Variants in COL27A1 observed in about 807,000 individuals in gnomAD.
COL27A1 encodes the protein collagen type XXVII alpha 1 chain.
A neutral mutation model predicts 251.3 loss-of-function variants in COL27A1; 106 were observed. The ratio of observed to expected loss-of-function variants is 0.42; its 90% CI spans 0.36 to 0.50. The LOEUF is 0.50. COL27A1 is among the 20% of genes least tolerant of loss of function. COL27A1 has a pLI of 0.00. For missense variants in COL27A1, 2,325 were observed against 2,522.8 expected, an observed-to-expected ratio of 0.92 and a Z score of 1.68; for synonymous variants, 1,000 against 986.3, an observed-to-expected ratio of 1.01 and a Z score of -0.26.
chr9:114,219,971 GCACCC>G lies in COL27A1; in HGVS notation c.2421+128_2421+132del. Reference sequence around the variant, plus strand: ...CCCAGCCCTGTGAAGTACCAGCTGGGCACCCTTGGACAAATTACATGACGTCTCTA... The same window carrying G: ...CCCAGCCCTGTGAAGTACCAGCTGGGTTGGACAAATTACATGACGTCTCTA... On this transcript the variant is annotated intron_variant, in intron 13 of 60. Transcript: ENST00000356083. 3 of 732,272 alleles carry G rather than the reference GCACCC, an allele frequency of 4.1e-6. No homozygotes were observed. The South Asian group carries it at 4.6e-5, about 11-fold the overall frequency. 45.4% of individuals were successfully genotyped at this position (732,272 alleles called of 1,614,324 possible).
intron 5 of COL27A1, 123 bp from the exon 6 acceptor site, chr9:114,194,281 T>C (rs1828952209): frequency 2.3e-6 from 2 of 881,724 alleles, no homozygotes; most frequent in Non-Finnish European, 3.8e-6. Flanking sequence ...TGGAGGTGTG[T>C]GAGTGGGAGG....
In COL27A1 at chr9:114,199,164, T is replaced by A. The variant is rs182603838; in HGVS notation, c.2124+3152T>A. On this transcript the variant is annotated intron_variant, in intron 7 of 60. Transcript: ENST00000356083. ...TCTAACCCTCCTGCTTTCTTTCCTG[T>A]AGACCAGTAGTTCTCAACTTGGGGT... 2.5e-3 allele frequency among the ~76,000 whole-genome samples: 380 copies of A among 152,266 alleles called. 3 individuals are homozygous for A. Among genetic ancestry groups the A allele is most frequent in the Non-Finnish European group, 3.5e-3 (240 of 68,010 alleles).
At chr9:114,184,507 G>A (rs1048998719) in intron 5 of COL27A1, among the ~76,000 whole-genome samples, 4 of 152,230 alleles carry the variant, frequency 2.6e-5, no homozygotes, top group South Asian at 4.1e-4. Flanking sequence ...GTGACTCTAC[G>A]TCCAGGGTTG....
rs1564591507 is a variant in COL27A1, at chr9:114,304,624, G to C, written c.4889G>C (p.Gly1630Ala). The change falls in exon 57 of 61, where the codon GGG (glycine) becomes GCG (alanine). Residue 1630 changes from glycine (G) to alanine (A), a missense_variant. Coordinates refer to ENST00000356083, the MANE Select transcript of COL27A1 (RefSeq NM_032888.4). ...CTTGCCCAGCAACAAGATGATCTTG[G>C]GGCAGCTTTCCAGACGTGGATGGAC... ...GPIQLQQDDL[G>A]AAFQTWMDTS... 1 of 1,614,116 alleles carries C rather than the reference G, an allele frequency of 6.2e-7. No homozygotes were observed. Among genetic ancestry groups the C allele is most frequent in the Admixed American group, 1.7e-5 (1 of 60,018 alleles).
At chr9:114,277,057 G>T (rs1054912132) in intron 37 of COL27A1, among the ~76,000 whole-genome samples, 3 of 152,222 alleles carry the variant, frequency 2.0e-5, no homozygotes, top group Admixed American at 6.5e-5. Flanking sequence ...GGCAGAGTTG[G>T]AATCCAGGGC....
chr9:114,244,792 C>A, intron 23 of COL27A1, among the ~76,000 whole-genome samples: 1 of 152,170 alleles, frequency 6.6e-6, no homozygotes, highest in South Asian at 2.1e-4. Context: ...CCCTCAGATA[C>A]CAGTTGGGTT....
intron 4 of COL27A1, among the ~76,000 whole-genome samples, chr9:114,181,671 A>G (rs1162619049): frequency 6.6e-6 from 1 of 152,118 alleles, no homozygotes; most frequent in African/African-American, 2.4e-5. Context: ...TATTTATATT[A>G]CTGTGCTGGA....
rs996683362 is a variant in COL27A1 at position 114,275,649 on chromosome 9, C to T, written c.3610-12C>T. 2 of 1,530,988 alleles carry T rather than the reference C, an allele frequency of 1.3e-6. No homozygotes were observed. Among genetic ancestry groups the T allele is most frequent in the South Asian group, 2.4e-5 (2 of 82,836 alleles). 94.8% of individuals were successfully genotyped at this position (1,530,988 alleles called of 1,614,324 possible). A position where few individuals can be genotyped will look rare whatever the true frequency, so the allele number is the denominator to read the frequency against. Reference sequence around the variant, plus strand: ...CTCTCTCTCTCTCCCCTCTTCATGCCCTGCCACCCAGGGGGACAGGGGAGA... The same window carrying T: ...CTCTCTCTCTCTCCCCTCTTCATGCTCTGCCACCCAGGGGGACAGGGGAGA... On this transcript the variant is annotated splice_polypyrimidine_tract_variant and intron_variant, in intron 36 of 60. Transcript: ENST00000356083.
chr9:114,170,972 T>C (rs1332245515), intron 3 of COL27A1, among the ~76,000 whole-genome samples: 2 of 152,156 alleles, frequency 1.3e-5, no homozygotes, highest in Admixed American at 1.3e-4. Context: ...AACCCAGCCC[T>C]GAGGAGGAGG....
At chr9:114,200,926 G>C (rs1829524631) in intron 7 of COL27A1, among the ~76,000 whole-genome samples, 1 of 152,102 alleles carries the variant, frequency 6.6e-6, no homozygotes, top group Non-Finnish European at 1.5e-5. Flanking sequence ...CGGAGGTGGA[G>C]CCTCGGTGGA....
rs748247493 is a variant in COL27A1, at chr9:114,301,701, G to A, written c.4829G>A (p.Gly1610Glu). 6.2e-7 allele frequency: 1 copy of A among 1,612,016 alleles called. No homozygotes were observed. Residue 1610 changes from glycine (G) to glutamate (E), a missense_variant, in exon 55 of 61, where the codon GGG (glycine) becomes GAG (glutamate). Gly to Glu is a moderately conservative substitution (Grantham distance 98). Transcript: ENST00000356083. The stretch of plus-strand genomic sequence containing the variant: ...CCCCAGGGTCCTCCCGGCCCCAGAG[G>A]GCGGCCCGGCCCCCCGGTAGGTAAC... ...QGPRGPPGPR[G>E]RPGPPGPPGG... is the part of the protein sequence containing the mutation.
At chr9:114,287,242 G>A (rs1827559343) in intron 41 of COL27A1, among the ~76,000 whole-genome samples, 1 of 152,246 alleles carries the variant, frequency 6.6e-6, no homozygotes, top group South Asian at 2.1e-4. Flanking sequence ...CCCCAGGGAC[G>A]CTTTGCCTCT....
chr9:114,194,237 G>T (rs1383762154), intron 5 of COL27A1, among the ~76,000 whole-genome samples, 167 bp from the exon 6 acceptor site: 1 of 152,178 alleles, frequency 6.6e-6, no homozygotes, highest in African/African-American at 2.4e-5. Flanking sequence ...GAAGGTGTTA[G>T]AGCAGGGGAG....
chr9:114,168,298 C>T lies in COL27A1; in HGVS notation c.743C>T (p.Pro248Leu), dbSNP rs1037173893. The change falls in exon 3 of 61, where the codon CCT becomes CTT. Residue 248 changes from proline (P) to leucine (L), a missense_variant. This residue lies in a region of COL27A1 where 1,183 missense variants were observed against 1,144.1 expected (regional missense o/e 1.03). Transcript: ENST00000356083. ...QADTYQSPLG[P>L]LFSQDSGRPF... is the part of the protein sequence containing the mutation. ...GACACGTACCAGTCCCCACTGGGAC[C>T]TCTCTTCTCCCAAGACTCTGGCAGA... 3.1e-6 allele frequency: 5 copies of T among 1,613,490 alleles called. No homozygotes were observed. Among genetic ancestry groups the T allele is most frequent in the South Asian group, 2.2e-5 (2 of 91,082 alleles).
At chr9:114,236,923 T>A in intron 17 of COL27A1, 58 bp from the exon 18 acceptor site, 1 of 1,540,912 alleles carries the variant, frequency 6.5e-7, no homozygotes, top group Non-Finnish European at 9.0e-7. Context: ...ACTGGGCGGC[T>A]GTTCACCTGG....
intron 7 of COL27A1, among the ~76,000 whole-genome samples, chr9:114,200,806 G>T (rs1217986450): frequency 1.3e-5 from 2 of 152,208 alleles, no homozygotes; most frequent in African/African-American, 4.8e-5. Flanking sequence ...GGCCCAGTCT[G>T]GGGTGTGGGC....
chr9:114,191,891 T>C (rs1267671120), intron 5 of COL27A1, among the ~76,000 whole-genome samples: 1 of 151,748 alleles, frequency 6.6e-6, no homozygotes, highest in Non-Finnish European at 1.5e-5. Flanking sequence ...AGTTAATATG[T>C]GTCCAGGGCT....
At chr9:114,255,153 G>A (rs370750172) in intron 27 of COL27A1, among the ~76,000 whole-genome samples, 1 of 152,220 alleles carries the variant, frequency 6.6e-6, no homozygotes, top group African/African-American at 2.4e-5. Context: ...AGGAGGAAAA[G>A]TCACATCTGG....
chr9:114,245,991 C>A, intron 24 of COL27A1, 81 bp downstream of exon 24: 1 of 1,177,606 alleles, frequency 8.5e-7, no homozygotes, highest in Non-Finnish European at 1.2e-6. Flanking sequence ...CCAGCACCCT[C>A]CATGCACCAC....
Sources: gnomAD v4.1 joint callset for allele counts (sites outside exome capture counted in the v4.1 genomes callset) on GRCh38, gnomAD v4.1.1 for gene constraint, gnomAD v4.1.1 regional missense constraint, MANE v1.5 for transcripts, NCBI Gene and HGNC (gene_info 2026-07-23, HGNC 2026-07-21) for gene names.